PALM2AKAP2: variants seen among roughly 807,000 people sequenced by gnomAD.
The protein encoded by PALM2AKAP2 is PALM2-AKAP2 fusion protein.
In PALM2AKAP2, 37 loss-of-function variants were observed where a neutral mutation model predicts 71.5. The observed-to-expected ratio is 0.52, with a 90% confidence interval of 0.40 to 0.68. The LOEUF (loss-of-function observed/expected upper bound fraction) is 0.68. Among genes scored for constraint, PALM2AKAP2 ranks in the 30% least tolerant of loss-of-function variants. The pLI, the probability that PALM2AKAP2 is intolerant of heterozygous loss-of-function variation, is 0.00. For missense variants in PALM2AKAP2, 1,224 were observed against 1,191.8 expected (o/e 1.03, Z -0.40); for synonymous variants, 468 against 478.8 (o/e 0.98, Z 0.29).
intron 1 of PALM2AKAP2, among the ~76,000 whole-genome samples, chr9:109,646,485 G>A (rs768417765): frequency 7.2e-5 from 11 of 152,330 alleles, no homozygotes; most frequent in East Asian, 1.9e-4. Flanking sequence ...CCAGTCAGAT[G>A]CCTGTTATCA....
At chr9:110,165,650 C>A (rs1337714128) in intron 3 of PALM2AKAP2, among the ~76,000 whole-genome samples, 2 of 152,184 alleles carry the variant, frequency 1.3e-5, no homozygotes, top group African/African-American at 2.4e-5. Flanking sequence ...AAGTGAATTA[C>A]TGGGGCTCTT....
At chr9:109,917,733 A>G (rs991707217) in intron 3 of PALM2AKAP2, among the ~76,000 whole-genome samples, 6 of 151,950 alleles carry the variant, frequency 3.9e-5, no homozygotes, top group Admixed American at 2.6e-4. Flanking sequence ...GGCTCAAGCA[A>G]TCCTCCAGCC....
At chr9:110,003,129 G>T (rs1226212837) in intron 6 of PALM2AKAP2, among the ~76,000 whole-genome samples, 2 of 152,074 alleles carry the variant, frequency 1.3e-5, no homozygotes, top group Non-Finnish European at 2.9e-5. Context: ...ATGTTAGGGT[G>T]TCAATTTTAG....
intron 7 of PALM2AKAP2, among the ~76,000 whole-genome samples, chr9:110,021,268 T>C (rs1833069715): frequency 6.6e-6 from 1 of 152,078 alleles, no homozygotes; most frequent in Non-Finnish European, 1.5e-5. Context: ...GCAGCCCAAG[T>C]CAAGAAACAC....
chr9:109,901,049 C>T (rs1437702630), intron 3 of PALM2AKAP2, among the ~76,000 whole-genome samples: 1 of 152,156 alleles, frequency 6.6e-6, no homozygotes, highest in Non-Finnish European at 1.5e-5. Context: ...TGAGATGGAG[C>T]AAATGTACCT....
At chr9:109,732,190 G>A (rs527596668) in intron 1 of PALM2AKAP2, among the ~76,000 whole-genome samples, 8 of 152,322 alleles carry the variant, frequency 5.3e-5, no homozygotes, top group African/African-American at 1.2e-4. Flanking sequence ...GACATTGCAC[G>A]TAAGAATAGC....
In PALM2AKAP2 at chr9:110,018,075, T is replaced by G. The variant is rs148171620; in HGVS notation, c.582+2036T>G. 3.1e-3 allele frequency among the ~76,000 whole-genome samples: 472 copies of G among 152,274 alleles called. 5 individuals carry two copies. Among genetic ancestry groups the G allele is most frequent in the Middle Eastern group, 0.024 (7 of 294 alleles). Reference sequence around the variant, plus strand: ...CAAGTCTTGTCCAAATCCCATTTGATAAGATTGCTACTTAACCAGGCTACT... The same window carrying G: ...CAAGTCTTGTCCAAATCCCATTTGAGAAGATTGCTACTTAACCAGGCTACT... On this transcript the variant is annotated intron_variant, in intron 7 of 9. Coordinates refer to the PALM2AKAP2 transcript ENST00000302798.
chr9:110,048,958 TC>T, intron 1 of PALM2AKAP2: 1 of 1,362,832 alleles, frequency 7.3e-7, no homozygotes, highest in African/African-American at 1.5e-5. Flanking sequence ...AATCTGGGAG[TC>T]CTCGGAAGCA....
chr9:109,878,158 A>T (rs1417775813), intron 2 of PALM2AKAP2, among the ~76,000 whole-genome samples: 1 of 152,212 alleles, frequency 6.6e-6, no homozygotes, highest in Non-Finnish European at 1.5e-5. Flanking sequence ...TTTGATAAGC[A>T]ACCAACGTAA....
chr9:110,022,398 G>A (rs998693400), intron 7 of PALM2AKAP2, among the ~76,000 whole-genome samples: 1 of 152,080 alleles, frequency 6.6e-6, no homozygotes, highest in Admixed American at 6.5e-5. Context: ...CCTTCCCATG[G>A]CTCCTGGAAC....
chr9:110,010,433 T>C (rs1275598219), intron 6 of PALM2AKAP2, among the ~76,000 whole-genome samples: 1 of 148,222 alleles, frequency 6.7e-6, no homozygotes, highest in Non-Finnish European at 1.5e-5. Flanking sequence ...AGATAGAATA[T>C]ACAATTAATA....
At chr9:109,970,462 G>GTGAACTTA (rs1832044645) in intron 6 of PALM2AKAP2, among the ~76,000 whole-genome samples, 1 of 152,196 alleles carries the variant, frequency 6.6e-6, no homozygotes, top group African/African-American at 2.4e-5. Context: ...GTGGAGCTTA[G>GTGAACTTA]TGAACTGTAG....
chr9:110,022,847 C>T (rs260191), intron 7 of PALM2AKAP2, among the ~76,000 whole-genome samples: 27,741 of 151,736 alleles, frequency 0.18, 2,815 homozygotes, highest in East Asian at 0.3. Flanking sequence ...TTTGTCCTTG[C>T]AATAGTTTGC....
At chr9:109,780,159 C>G, upstream of PALM2AKAP2, 5 of 400,562 alleles carry the variant, frequency 1.2e-5, no homozygotes, top group Non-Finnish European at 1.7e-5. Context: ...GGGCGGAGAA[C>G]TAGCGCCGGG....
intron 1 of PALM2AKAP2, among the ~76,000 whole-genome samples, chr9:109,758,636 T>C (rs1379098477): frequency 6.6e-6 from 1 of 151,742 alleles, no homozygotes; most frequent in East Asian, 1.9e-4. Flanking sequence ...CTCACAGTCC[T>C]ATCCAGATGT....
intron 1 of PALM2AKAP2, among the ~76,000 whole-genome samples, chr9:109,764,430 C>T (rs952548820): frequency 5.9e-5 from 9 of 152,134 alleles, no homozygotes; most frequent in Non-Finnish European, 1.2e-4. Flanking sequence ...TACTACCTCC[C>T]CCCTAGCCCC....
intron 1 of PALM2AKAP2, among the ~76,000 whole-genome samples, chr9:109,700,954 C>A (rs1828045510): frequency 6.6e-6 from 1 of 151,940 alleles, no homozygotes; most frequent in African/African-American, 2.4e-5. Context: ...GGAATCGTAA[C>A]AATAACAAAG....
At chr9:110,155,517 G>C (rs1320956468) in intron 2 of PALM2AKAP2, among the ~76,000 whole-genome samples, 1 of 152,176 alleles carries the variant, frequency 6.6e-6, no homozygotes, top group Non-Finnish European at 1.5e-5. Context: ...CCACACCACT[G>C]TTGAATTAAT....
At position 109,973,134 on chromosome 9, in the gene PALM2AKAP2, A is replaced by G. The variant is rs77098912; in HGVS notation, c.496+41106A>G. Among the ~76,000 whole-genome samples, 605 of 152,348 alleles carry G rather than the reference A, an allele frequency of 4.0e-3. 9 individuals carry two copies. Among genetic ancestry groups the G allele is most frequent in the African/African-American group, 0.014 (577 of 41,576 alleles). On this transcript the variant is annotated intron_variant, in intron 6 of 9. Transcript: ENST00000302798. ...TTAAAAAAAAATCTACTTCTTTTTT[A>G]TGCCACAAAGTGCCACCTTAAATTT...
Sources: gnomAD v4.1 joint callset for allele counts (sites outside exome capture counted in the v4.1 genomes callset) on GRCh38, gnomAD v4.1.1 for gene constraint, MANE v1.5 for transcripts, NCBI Gene and HGNC (gene_info 2026-07-23, HGNC 2026-07-21) for gene names.